Variants in C12orf42 observed in about 807,000 individuals in gnomAD.
The protein encoded by C12orf42 is uncharacterized protein C12orf42.
In C12orf42, 25 loss-of-function variants were observed where a neutral mutation model predicts 21.6. The ratio of observed to expected loss-of-function variants is 1.16; its 90% CI spans 0.84 to 1.62. The LOEUF is 1.62. Among genes scored for constraint, C12orf42 ranks in the 40% most tolerant of loss-of-function variants. The probability of loss-of-function intolerance (pLI) is 0.00; values close to 1 mark genes in which losing one functional copy is unlikely to be tolerated. For synonymous variants in C12orf42, 174 were observed against 175.0 expected, an observed-to-expected ratio of 0.99 and a Z score of 0.05; for missense variants, 483 against 459.3, an observed-to-expected ratio of 1.05 and a Z score of -0.47.
chr12:103,274,911 T>C (rs1479419581), intron 5 of C12orf42, among the ~76,000 whole-genome samples: 1 of 152,168 alleles, frequency 6.6e-6, no homozygotes, highest in East Asian at 1.9e-4. Context: ...CAGAATTGAA[T>C]TATCTTTCCT....
intron 2 of C12orf42, among the ~76,000 whole-genome samples, chr12:103,403,147 G>A (rs185085911): frequency 1.4e-3 from 218 of 152,166 alleles, no homozygotes; most frequent in Middle Eastern, 6.8e-3. Context: ...AGGCCGAGGC[G>A]GGCGGATCAC....
chr12:103,305,844 A>C, intron 5 of C12orf42, 130 bp downstream of exon 5: 1 of 1,152,498 alleles, frequency 8.7e-7, no homozygotes, highest in Non-Finnish European at 1.2e-6. Flanking sequence ...ACTGGCTACT[A>C]CAGTTCTTAC....
At chr12:103,356,646 G>A (rs892725986) in intron 4 of C12orf42, among the ~76,000 whole-genome samples, 92 of 151,688 alleles carry the variant, frequency 6.1e-4, no homozygotes, top group Non-Finnish European at 1.2e-3. Context: ...CACCAACAGT[G>A]TAAAAGTGTT....
the C12orf42 span, among the ~76,000 whole-genome samples, chr12:103,532,465 T>G: frequency 0.21 from 32,669 of 152,146 alleles, 3,883 homozygotes; most frequent in Non-Finnish European, 0.27. Flanking sequence ...GCATTTTACT[T>G]TCTCTTTTAT....
chr12:103,222,988 C>T, the C12orf42 span, among the ~76,000 whole-genome samples: 1 of 151,930 alleles, frequency 6.6e-6, no homozygotes, highest in Non-Finnish European at 1.5e-5. Flanking sequence ...AGTCTACAAA[C>T]ATAATCTCAT....
At chr12:103,533,249 A>G in the C12orf42 span, among the ~76,000 whole-genome samples, 1 of 152,166 alleles carries the variant, frequency 6.6e-6, no homozygotes, top group African/African-American at 2.4e-5. Context: ...GGGAACTTGA[A>G]TTTTCTTAAA....
chr12:103,076,414 T>A, the C12orf42 span, among the ~76,000 whole-genome samples: 1 of 151,792 alleles, frequency 6.6e-6, no homozygotes, highest in African/African-American at 2.4e-5. Context: ...CCTACCACCA[T>A]CATGTTGGCC....
At chr12:103,211,573 G>T in the C12orf42 span, among the ~76,000 whole-genome samples, 1 of 152,184 alleles carries the variant, frequency 6.6e-6, no homozygotes, top group Non-Finnish European at 1.5e-5. Flanking sequence ...CCAACATCCA[G>T]AGAGAAACTG....
chr12:103,254,974 A>G (rs928582475), intron 10 of C12orf42, among the ~76,000 whole-genome samples: 1 of 152,194 alleles, frequency 6.6e-6, no homozygotes, highest in African/African-American at 2.4e-5. Flanking sequence ...TTCAAAAAAT[A>G]TGTATTCTGT....
the C12orf42 span, among the ~76,000 whole-genome samples, chr12:103,063,963 TA>T: frequency 3.9e-5 from 6 of 152,204 alleles, no homozygotes; most frequent in African/African-American, 1.4e-4. Flanking sequence ...AAAAAGGTTC[TA>T]ATAGTTTATT....
chr12:103,231,637 T>A, the C12orf42 span, among the ~76,000 whole-genome samples: 2 of 152,222 alleles, frequency 1.3e-5, no homozygotes, highest in South Asian at 4.1e-4. Context: ...GATGGCTTGG[T>A]AGCTCACATC....
intron 4 of C12orf42, among the ~76,000 whole-genome samples, chr12:103,344,586 A>T (rs968691226): frequency 5.9e-5 from 9 of 152,136 alleles, no homozygotes; most frequent in Non-Finnish European, 1.3e-4. Context: ...ACACACAACA[A>T]CACAGGTGAT....
intron 2 of C12orf42, among the ~76,000 whole-genome samples, chr12:103,445,254 TG>T (rs1951504575): frequency 6.6e-6 from 1 of 152,082 alleles, no homozygotes; most frequent in East Asian, 1.9e-4. Context: ...CAGAACTGAT[TG>T]CTTGTTTGTT....
At chr12:103,092,403 T>C in the C12orf42 span, among the ~76,000 whole-genome samples, 1 of 152,190 alleles carries the variant, frequency 6.6e-6, no homozygotes, top group Admixed American at 6.5e-5. Flanking sequence ...GACACTTACC[T>C]ACCAGAGAGT....
At chr12:103,050,391 A>G in the C12orf42 span, among the ~76,000 whole-genome samples, 3 of 152,172 alleles carry the variant, frequency 2.0e-5, no homozygotes, top group Non-Finnish European at 4.4e-5. Context: ...AGATTTAGAT[A>G]GGATCGCTGC....
the C12orf42 span, among the ~76,000 whole-genome samples, chr12:103,056,368 T>C: frequency 0.022 from 3,423 of 152,266 alleles, 56 homozygotes; most frequent in African/African-American, 0.044. Context: ...TCTCTCACTG[T>C]ATTCAAGATT....
chr12:103,499,782 G>A (rs1214725808), upstream of C12orf42, among the ~76,000 whole-genome samples: 1 of 152,154 alleles, frequency 6.6e-6, no homozygotes, highest in Non-Finnish European at 1.5e-5. Flanking sequence ...TTGAAATACT[G>A]TTTGAACATC....
chr12:103,302,689 A>AAAC (rs2037842507), intron 5 of C12orf42, 130 bp from the exon 6 acceptor site: 2 of 738,904 alleles, frequency 2.7e-6, no homozygotes, highest in South Asian at 4.6e-5. Flanking sequence ...AGAAAAAAAA[A>AAAC]AAAAAACCCT....
At chr12:103,424,758 G>A (rs1022487959) in intron 2 of C12orf42, among the ~76,000 whole-genome samples, 9 of 152,328 alleles carry the variant, frequency 5.9e-5, no homozygotes, top group Admixed American at 2.0e-4. Context: ...GGCAAACACC[G>A]AGCTGGCTGC....
Sources: gnomAD v4.1 joint callset for allele counts (sites outside exome capture counted in the v4.1 genomes callset) on GRCh38, gnomAD v4.1.1 for gene constraint, MANE v1.5 for transcripts, NCBI Gene and HGNC (gene_info 2026-07-23, HGNC 2026-07-21) for gene names.